Variants in NRXN3 observed in about 807,000 individuals in gnomAD.
The protein encoded by NRXN3 is neurexin III.
A neutral mutation model predicts 137.6 loss-of-function variants in NRXN3; 32 were observed. The observed-to-expected ratio is 0.23, with a 90% CI of 0.18 to 0.31. NRXN3 has a LOEUF of 0.31. NRXN3 is among the 10% of genes least tolerant of loss of function. NRXN3 has a pLI of 1.00. For synonymous variants in NRXN3, 798 were observed against 784.5 expected (o/e 1.02, Z -0.29); for missense variants, 1,574 against 2,062.5 (o/e 0.76, Z 4.59).
chr14:78,606,599 G>A (rs2097255110), intron 4 of NRXN3, among the ~76,000 whole-genome samples: 1 of 152,172 alleles, frequency 6.6e-6, no homozygotes, highest in South Asian at 2.1e-4. Context: ...ATGTTTTATT[G>A]AAATCTATAT....
rs1275571064 is a variant in NRXN3, at chr14:78,270,859, AT to A, written c.710-7783del. Reference sequence around the variant, plus strand: ...ATTAGGGAACATTTTGAGCATAATAATTTCGCTTTTGATTATGCAGGATTTT... The same window carrying A: ...ATTAGGGAACATTTTGAGCATAATAATTCGCTTTTGATTATGCAGGATTTT... On this transcript the variant is annotated intron_variant, in intron 2 of 20. Coordinates refer to ENST00000335750, the MANE Select transcript of NRXN3 (RefSeq NM_001330195.2). Among the ~76,000 whole-genome samples the A allele has an allele frequency of 2.0e-5, 3 of 152,220 alleles. No individual in the cohort carries two copies. The East Asian group carries it at 5.8e-4, about 29-fold the overall frequency.
At chr14:78,987,537 C>T (rs1163145143) in intron 14 of NRXN3, among the ~76,000 whole-genome samples, 1 of 152,052 alleles carries the variant, frequency 6.6e-6, no homozygotes, top group East Asian at 1.9e-4. Context: ...TCCTTCTCTT[C>T]CTTCTCTTCA....
intron 6 of NRXN3, among the ~76,000 whole-genome samples, chr14:78,668,034 C>T (rs983792216): frequency 1.3e-5 from 2 of 152,166 alleles, no homozygotes; most frequent in African/African-American, 4.8e-5. Context: ...GATGCACCCA[C>T]CTCGGTCTCC....
In NRXN3 at chr14:78,243,306, C is replaced by T. The variant is rs1411049539; in HGVS notation, c.213C>T (p.Gly71=). Residue 71 remains glycine, a synonymous_variant, in exon 2 of 21, where the codon GGC becomes GGT. Transcript: ENST00000335750. This position sits in a 1 kb window ranked among gnomAD's most constrained non-coding sequence, Gnocchi z 4.2. ...TGCTCCTCTACCTGGATGATGGCGG[C>T]GTCTGCGACTTCCTATGCCTCTCCC... The part of the protein sequence containing the change: ...TGLLLYLDDG[G]VCDFLCLSLV... 8 of 1,558,892 alleles carry T rather than the reference C, an allele frequency of 5.1e-6. No individual in the cohort carries two copies. The highest frequency in any genetic ancestry group is 2.3e-5 in the East Asian group (1 of 42,746).
At chr14:78,383,266 A>G (rs1000908297) in intron 4 of NRXN3, among the ~76,000 whole-genome samples, 3 of 152,160 alleles carry the variant, frequency 2.0e-5, no homozygotes, top group African/African-American at 7.2e-5. Context: ...AGGTCTGCTC[A>G]CAATCTCCTC....
intron 4 of NRXN3, among the ~76,000 whole-genome samples, chr14:78,452,073 A>G (rs1312022610): frequency 2.0e-5 from 3 of 152,246 alleles, no homozygotes; most frequent in East Asian, 1.9e-4. Context: ...TATAATAAAT[A>G]TAGCTGACAT....
At chr14:79,742,375 T>C (rs980165021) in intron 19 of NRXN3, among the ~76,000 whole-genome samples, 4 of 152,144 alleles carry the variant, frequency 2.6e-5, no homozygotes, top group African/African-American at 9.7e-5. Flanking sequence ...ATAATGATAA[T>C]TAACTCCTTG....
intron 20 of NRXN3, among the ~76,000 whole-genome samples, chr14:79,835,987 G>T (rs2099341316): frequency 6.6e-6 from 1 of 152,214 alleles, no homozygotes; most frequent in Middle Eastern, 3.4e-3. Context: ...TCTGTGGATT[G>T]TTATTGTAAT....
chr14:79,565,898 G>T (rs967317944), intron 16 of NRXN3, among the ~76,000 whole-genome samples: 20 of 152,226 alleles, frequency 1.3e-4, no homozygotes, highest in Admixed American at 1.0e-3. Context: ...GTTAATGTTT[G>T]TTAAGAAAAA....
At chr14:78,993,164 G>A (rs913458481) in intron 15 of NRXN3, among the ~76,000 whole-genome samples, 9 of 152,070 alleles carry the variant, frequency 5.9e-5, no homozygotes, top group Admixed American at 1.3e-4. Flanking sequence ...CTGCAGTGTT[G>A]GCTATTGATT....
chr14:79,250,065 A>G (rs2075727478), intron 15 of NRXN3, among the ~76,000 whole-genome samples: 1 of 152,246 alleles, frequency 6.6e-6, no homozygotes, highest in African/African-American at 2.4e-5. Flanking sequence ...GGGGTTAATA[A>G]GCAGAACTGT....
intron 16 of NRXN3, among the ~76,000 whole-genome samples, chr14:79,577,827 T>A (rs945210489): frequency 1.5e-4 from 23 of 152,152 alleles, no homozygotes; most frequent in African/African-American, 5.5e-4. Context: ...CAATACAGGA[T>A]CAGGATAGTG....
intron 17 of NRXN3, among the ~76,000 whole-genome samples, chr14:79,675,623 C>T (rs1489778639): frequency 1.3e-5 from 2 of 152,098 alleles, no homozygotes; most frequent in African/African-American, 2.4e-5. Flanking sequence ...GAGAATAGTA[C>T]TACCGTGTAG....
intron 15 of NRXN3, among the ~76,000 whole-genome samples, chr14:79,385,698 A>G (rs2094594396): frequency 6.6e-6 from 1 of 152,118 alleles, no homozygotes; most frequent in African/African-American, 2.4e-5. Flanking sequence ...CCATTTACCT[A>G]TATAACAAAC....
intron 4 of NRXN3, among the ~76,000 whole-genome samples, chr14:78,531,087 GTC>G (rs1335953434): frequency 6.6e-6 from 1 of 151,984 alleles, no homozygotes; most frequent in Admixed American, 6.6e-5. Flanking sequence ...TTCATAGTCT[GTC>G]TCTTTCTTTT....
At chr14:79,198,731 C>A (rs78117200) in intron 15 of NRXN3, among the ~76,000 whole-genome samples, 5,416 of 152,266 alleles carry the variant, frequency 0.036, 230 homozygotes, top group East Asian at 0.21. Flanking sequence ...AAGCTGTTAG[C>A]TGGTTTACTT....
At chr14:78,508,214 A>G (rs944346695) in intron 4 of NRXN3, among the ~76,000 whole-genome samples, 2 of 152,152 alleles carry the variant, frequency 1.3e-5, no homozygotes, top group African/African-American at 4.8e-5. Context: ...GATTGACACT[A>G]ATACCGGTAT....
intron 19 of NRXN3, among the ~76,000 whole-genome samples, chr14:79,752,220 T>C (rs976185851): frequency 3.3e-4 from 44 of 132,002 alleles, no homozygotes; most frequent in Non-Finnish European, 6.2e-4. Context: ...TTTTGCTTGG[T>C]AAGCTATTGA....
At chr14:79,598,259 G>A (rs997735163) in intron 16 of NRXN3, among the ~76,000 whole-genome samples, 36 of 152,264 alleles carry the variant, frequency 2.4e-4, no homozygotes, top group South Asian at 1.2e-3. Flanking sequence ...TCTGGGGGCC[G>A]AGATGTGATC....
Sources: gnomAD v4.1 joint callset for allele counts (sites outside exome capture counted in the v4.1 genomes callset) on GRCh38, gnomAD v4.1.1 for gene constraint, Gnocchi (gnomAD v3.1) non-coding constraint, MANE v1.5 for transcripts, NCBI Gene and HGNC (gene_info 2026-07-23, HGNC 2026-07-21) for gene names.